Variants in MYOM2 observed in about 807,000 individuals in gnomAD.
MYOM2 encodes myomesin 2.
In MYOM2, 254 loss-of-function variants were observed where a neutral mutation model predicts 187.6. The observed-to-expected ratio is 1.35, with a 90% confidence interval of 1.22 to 1.50. The LOEUF (loss-of-function observed/expected upper bound fraction) is 1.50. Among genes scored for constraint, MYOM2 ranks in the 40% most tolerant of loss-of-function variants. The pLI, the probability that MYOM2 is intolerant of heterozygous loss-of-function variation, is 0.00. For missense variants in MYOM2, 2,796 were observed against 1,924.0 expected, an observed-to-expected ratio of 1.45 and a Z score of -8.48; for synonymous variants, 981 against 753.8, an observed-to-expected ratio of 1.30 and a Z score of -4.94.
intron 13 of MYOM2, 30 bp from the exon 14 acceptor site, chr8:2,085,233 C>G (rs772285477): frequency 6.2e-7 from 1 of 1,610,940 alleles, no homozygotes; most frequent in Non-Finnish European, 8.5e-7. Context: ...GGGGGTCCTT[C>G]AGCACTCACC....
chr8:2,097,917 C>G (rs1187987229), intron 18 of MYOM2: 1 of 152,252 alleles, frequency 6.6e-6, no homozygotes, highest in East Asian at 1.9e-4. Flanking sequence ...CTCGCCCCTC[C>G]TGTTGCTGCT....
intron 20 of MYOM2, among the ~76,000 whole-genome samples, chr8:2,101,510 G>A (rs1796709255): frequency 6.6e-6 from 1 of 152,232 alleles, no homozygotes; most frequent in South Asian, 2.1e-4. Context: ...CCGGGGCGTG[G>A]CTGCTGAGGA....
intron 13 of MYOM2, chr8:2,082,108 TC>T (rs1175109009): frequency 6.6e-6 from 1 of 152,202 alleles, no homozygotes; most frequent in African/African-American, 2.4e-5. Context: ...AGGCTCAGCC[TC>T]CCCGGCTTCA....
chr8:2,075,578 A>AT (rs1427434448), intron 10 of MYOM2, among the ~76,000 whole-genome samples: 1 of 152,240 alleles, frequency 6.6e-6, no homozygotes, highest in Non-Finnish European at 1.5e-5. Context: ...GAAGGTTCAC[A>AT]TTCAGTGTAT....
chr8:2,136,179 G>C (rs1585973694), intron 32 of MYOM2, among the ~76,000 whole-genome samples: 1 of 152,340 alleles, frequency 6.6e-6, no homozygotes, highest in Non-Finnish European at 1.5e-5. Context: ...GCTCGAGGCT[G>C]GGATTGGGGT....
At chr8:2,074,199 G>T (rs1024659618) in intron 10 of MYOM2, among the ~76,000 whole-genome samples, 16 of 152,194 alleles carry the variant, frequency 1.1e-4, no homozygotes, top group African/African-American at 3.9e-4. Flanking sequence ...AGGTGTGCAT[G>T]TATGTGCCTA....
At chr8:2,081,605 G>T (rs1402132858) in intron 13 of MYOM2, among the ~76,000 whole-genome samples, 1 of 152,230 alleles carries the variant, frequency 6.6e-6, no homozygotes, top group East Asian at 1.9e-4. Context: ...TATCTGTGAT[G>T]AAATTTGCCT....
chr8:2,058,687 G>T (rs1818753886), intron 5 of MYOM2, among the ~76,000 whole-genome samples: 2 of 152,226 alleles, frequency 1.3e-5, no homozygotes, highest in South Asian at 4.1e-4. Flanking sequence ...TTGGGAGGCT[G>T]AGGCTCGCCT....
rs187258537 is a variant in MYOM2, at chr8:2,060,986, G to T, written c.653+1741G>T. ...ATGGGGGTGAGGGGGTTCCGGCCGA[G>T]CCTCCCCAGCAGGGTTCTGGCTGAA... is the stretch of plus-strand genomic sequence containing the variant. On this transcript the variant is annotated intron_variant, in intron 6 of 36. Coordinates refer to ENST00000262113, the MANE Select transcript of MYOM2 (RefSeq NM_003970.4). Among the ~76,000 whole-genome samples, 9 of 152,192 alleles carry T rather than the reference G, an allele frequency of 5.9e-5. No homozygotes were observed. In the East Asian group the frequency reaches 1.6e-3, roughly 26 times the overall value.
intron 31 of MYOM2, among the ~76,000 whole-genome samples, chr8:2,128,774 T>G (rs1012850880): frequency 1.3e-5 from 2 of 152,228 alleles, no homozygotes; most frequent in Non-Finnish European, 2.9e-5. Flanking sequence ...TCTACGATAG[T>G]TCAGCTTGGG....
At chr8:2,072,270 C>T in intron 8 of MYOM2, 75 bp from the exon 9 acceptor site, 2 of 1,137,024 alleles carry the variant, frequency 1.8e-6, no homozygotes, top group Non-Finnish European at 2.3e-6. Flanking sequence ...GCTCTCTGCC[C>T]TTCGGCCATG....
intron 20 of MYOM2, chr8:2,102,360 A>G (rs978633667): frequency 7.3e-6 from 2 of 272,336 alleles, no homozygotes; most frequent in Admixed American, 9.3e-5. Flanking sequence ...CCACAGAATT[A>G]TGTTAAATAT....
intron 34 of MYOM2, 27 bp from the exon 35 acceptor site, chr8:2,142,348 C>T (rs775538671): frequency 1.2e-6 from 2 of 1,611,046 alleles, no homozygotes; most frequent in East Asian, 2.2e-5. Context: ...TTTTCATTCT[C>T]TCCTTTCTGT....
intron 17 of MYOM2, among the ~76,000 whole-genome samples, chr8:2,095,210 C>G (rs1422770476): frequency 1.3e-5 from 2 of 152,186 alleles, no homozygotes; most frequent in African/African-American, 2.4e-5. Context: ...TAAGATTAAT[C>G]TCCTCTCAAT....
At chr8:2,088,038 T>A (rs1301294752) in intron 14 of MYOM2, among the ~76,000 whole-genome samples, 1 of 152,158 alleles carries the variant, frequency 6.6e-6, no homozygotes, top group East Asian at 1.9e-4. Context: ...GGCACACTTT[T>A]TTTTTTGTAA....
At chr8:2,133,199 C>T (rs919732044) in intron 32 of MYOM2, among the ~76,000 whole-genome samples, 3 of 152,334 alleles carry the variant, frequency 2.0e-5, no homozygotes, top group Middle Eastern at 3.4e-3. Flanking sequence ...CTCAGGCTGT[C>T]CCATCTTGTG....
At chr8:2,081,515 C>T (rs1819627314) in intron 13 of MYOM2, among the ~76,000 whole-genome samples, 3 of 152,242 alleles carry the variant, frequency 2.0e-5, no homozygotes, top group Admixed American at 2.0e-4. Context: ...GCCCGGATCA[C>T]GCTGAGTGGA....
chr8:2,112,261 G>C (rs1797091615), intron 25 of MYOM2, among the ~76,000 whole-genome samples: 1 of 152,144 alleles, frequency 6.6e-6, no homozygotes, highest in African/African-American at 2.4e-5. Context: ...TAGAACCCAG[G>C]TTATATTAAA....
Position 2,079,544 on chromosome 8 carries a change from A to C in MYOM2, c.1463-16A>C, listed in dbSNP as rs147192429. 4 of 1,613,992 alleles carry C rather than the reference A, an allele frequency of 2.5e-6. No individual in the cohort carries two copies. The highest frequency in any genetic ancestry group is 3.4e-6 in the Non-Finnish European group (4 of 1,179,884). ...ACTTCGCATGTCAAATCGAGTGTCA[A>C]CCTTTCTCTCCGCAGCCGTTCATTT... On this transcript the variant is annotated splice_polypyrimidine_tract_variant and intron_variant, in intron 12 of 36. Transcript: ENST00000262113.
Sources: gnomAD v4.1 joint callset for allele counts (sites outside exome capture counted in the v4.1 genomes callset) on GRCh38, gnomAD v4.1.1 for gene constraint, MANE v1.5 for transcripts, NCBI Gene and HGNC (gene_info 2026-07-23, HGNC 2026-07-21) for gene names.